The following FCHO2 variants were observed in gnomAD, a reference collection of about 807,000 sequenced individuals.
FCHO2 encodes FCH and mu domain containing endocytic adaptor 2, also known as F-BAR domain only protein 2.
Under a neutral mutation model 114.1 loss-of-function variants are expected in FCHO2, and 43 were observed. The ratio of observed to expected loss-of-function variants is 0.38; its 90% confidence interval spans 0.30 to 0.49. The LOEUF (loss-of-function observed/expected upper bound fraction) is 0.49, where lower values mean the gene tolerates loss of function less well. Ranked by LOEUF, FCHO2 falls within the 20% of genes least tolerant of loss-of-function variation. The probability of loss-of-function intolerance (pLI) is 0.97; values close to 1 mark genes in which losing one functional copy is unlikely to be tolerated. For synonymous variants in FCHO2, 293 were observed against 315.2 expected (o/e 0.93, Z 0.75); for missense variants, 807 against 950.4 (o/e 0.85, Z 1.98).
At chr5:72,975,310 T>C (rs1752797653) in intron 2 of FCHO2, among the ~76,000 whole-genome samples, 1 of 152,154 alleles carries the variant, frequency 6.6e-6, no homozygotes. Flanking sequence ...ACGTAAACTT[T>C]GTATACATTA....
chr5:72,997,275 G>A, intron 5 of FCHO2: 1 of 1,321,692 alleles, frequency 7.6e-7, no homozygotes, highest in South Asian at 1.2e-5. Flanking sequence ...GAAGTCGTGA[G>A]CGAGTGGTGG....
At chr5:72,984,356 G>A (rs1353700760) in intron 2 of FCHO2, among the ~76,000 whole-genome samples, 1 of 152,104 alleles carries the variant, frequency 6.6e-6, no homozygotes, top group Admixed American at 6.6e-5. Flanking sequence ...TTCTCTAAGT[G>A]TACTTGTTAG....
At chr5:73,070,155 T>A (rs1742564829) in intron 19 of FCHO2, among the ~76,000 whole-genome samples, 5 of 152,082 alleles carry the variant, frequency 3.3e-5, no homozygotes, top group Admixed American at 3.3e-4. Flanking sequence ...TCCAGGTGAT[T>A]CTGATGCATG....
intron 1 of FCHO2, among the ~76,000 whole-genome samples, chr5:72,966,542 A>C (rs1435146969): frequency 6.6e-6 from 1 of 152,260 alleles, no homozygotes; most frequent in Admixed American, 6.5e-5. Context: ...TATTCTTCTT[A>C]ATAAATGGAA....
At chr5:72,979,479 C>T (rs1447390598) in intron 2 of FCHO2, among the ~76,000 whole-genome samples, 3 of 145,386 alleles carry the variant, frequency 2.1e-5, no homozygotes, top group Non-Finnish European at 4.5e-5. Context: ...GCAAGCTCCG[C>T]CTCCCGGGTT....
intron 6 of FCHO2, among the ~76,000 whole-genome samples, chr5:73,012,121 CT>C (rs1755049235): frequency 6.6e-6 from 1 of 152,108 alleles, no homozygotes; most frequent in South Asian, 2.1e-4. Flanking sequence ...CTATGCGGTA[CT>C]TTTATGTGAC....
chr5:73,043,525 A>G (rs926104187), intron 11 of FCHO2, among the ~76,000 whole-genome samples: 2 of 152,014 alleles, frequency 1.3e-5, no homozygotes, highest in Admixed American at 6.6e-5. Flanking sequence ...ATTCATGCAT[A>G]TATAGAAAGT....
At chr5:73,071,697 C>G (rs549825650) in intron 19 of FCHO2, among the ~76,000 whole-genome samples, 3 of 151,872 alleles carry the variant, frequency 2.0e-5, no homozygotes, top group South Asian at 2.1e-4. Flanking sequence ...TACATATTTC[C>G]TATTCATTTT....
intron 5 of FCHO2, among the ~76,000 whole-genome samples, chr5:73,003,358 G>C (rs111864948): frequency 0.015 from 2,313 of 151,850 alleles, 50 homozygotes; most frequent in South Asian, 0.054. Flanking sequence ...TAAAATTTTT[G>C]TAGAGACAGG....
At chr5:73,004,371 A>C (rs900675037) in intron 5 of FCHO2, among the ~76,000 whole-genome samples, 3 of 152,090 alleles carry the variant, frequency 2.0e-5, no homozygotes, top group African/African-American at 7.2e-5. Context: ...GAACTGGGAG[A>C]AGAGTAAAAC....
chr5:73,036,188 T>C (rs577609573), intron 9 of FCHO2, among the ~76,000 whole-genome samples: 2 of 152,208 alleles, frequency 1.3e-5, no homozygotes, highest in South Asian at 4.1e-4. Context: ...ATGACTGGCC[T>C]TTAAAAATAA....
rs951499863 is a variant in FCHO2 at position 73,017,192 on chromosome 5, T to C, written c.700-20T>C. 7 of 1,365,598 alleles carry C rather than the reference T, an allele frequency of 5.1e-6. No homozygotes were observed. In the African/African-American group the frequency reaches 7.4e-5, roughly 15 times the overall value. The allele number at this position is 1,365,598 out of a possible 1,614,324, so 84.6% of individuals were successfully genotyped here. ...AAGAATGTGGAAAAAGAAAAAGTTA[T>C]CTTTATTTCATTTTAATAGGTCCAT... On this transcript the variant is annotated intron_variant, in intron 7 of 25. Coordinates refer to ENST00000430046, the MANE Select transcript of FCHO2 (RefSeq NM_138782.3).
At chr5:73,070,329 A>G (rs1384695833) in intron 19 of FCHO2, among the ~76,000 whole-genome samples, 1 of 152,160 alleles carries the variant, frequency 6.6e-6, no homozygotes, top group Non-Finnish European at 1.5e-5. Flanking sequence ...ATGTCTAAAC[A>G]TGATGTCACC....
chr5:72,997,843 CTAACTT>C (rs1341443430), intron 5 of FCHO2, among the ~76,000 whole-genome samples: 1 of 152,198 alleles, frequency 6.6e-6, no homozygotes, highest in Non-Finnish European at 1.5e-5. Context: ...CAGCCTCACT[CTAACTT>C]CGTGTTCACA....
intron 7 of FCHO2, 148 bp from the exon 8 acceptor site, chr5:73,017,064 G>C (rs1034159751): frequency 3.9e-6 from 2 of 512,704 alleles, no homozygotes; most frequent in African/African-American, 4.0e-5. Flanking sequence ...AGTAATGCTG[G>C]AAGTTAGGTA....
At chr5:73,007,994 G>A (rs1754810823) in intron 6 of FCHO2, among the ~76,000 whole-genome samples, 2 of 152,048 alleles carry the variant, frequency 1.3e-5, no homozygotes, top group Admixed American at 6.6e-5. Context: ...AAGGCCCAGA[G>A]GGTATAAAAG....
rs1412233039 is a variant in FCHO2, at chr5:73,087,727, C to T, written c.2384C>T (p.Ser795Phe). ...CTTGTGGGCACTGGCTATAGGCTTTCCTTAATAAAGAAGCGGTTTGCTACT... is the reference window on the plus strand; with the variant it reads ...CTTGTGGGCACTGGCTATAGGCTTTTCTTAATAAAGAAGCGGTTTGCTACT... ...FELVGTGYRL[S>F]LIKKRFATGR... is the part of the protein sequence containing the mutation. The change falls in exon 25 of 26, where the codon TCC becomes TTC. Residue 795 changes from serine (S) to phenylalanine (F), a missense_variant. Ser to Phe is a radical substitution (Grantham distance 155). Coordinates refer to ENST00000430046, the MANE Select transcript of FCHO2 (RefSeq NM_138782.3). 6.3e-7 allele frequency: 1 copy of T among 1,587,130 alleles called. No individual in the cohort carries two copies. The highest frequency in any genetic ancestry group is 1.4e-5 in the African/African-American group (1 of 73,296).
Position 73,088,246 on chromosome 5 carries a change from T to A in FCHO2, c.*156T>A. ...CATTAAATCGCACTTTTAAAGTGAG[T>A]CATTGAAATAAATAGTACTGAAATG... On this transcript the variant is annotated 3_prime_UTR_variant, in exon 26 of 26. Transcript: ENST00000430046. 1.1e-6 allele frequency: 1 copy of A among 872,644 alleles called. No individual in the cohort carries two copies. Among genetic ancestry groups the A allele is most frequent in the Non-Finnish European group, 1.8e-6 (1 of 554,450 alleles). 54.1% of individuals were successfully genotyped at this position (872,644 alleles called of 1,614,324 possible).
At chr5:73,047,548 T>C (rs1029667810) in intron 11 of FCHO2, among the ~76,000 whole-genome samples, 2 of 151,068 alleles carry the variant, frequency 1.3e-5, no homozygotes, top group African/African-American at 4.8e-5. Flanking sequence ...TATTAGTTCA[T>C]AGAAACTTTT....
Sources: gnomAD v4.1 joint callset for allele counts (sites outside exome capture counted in the v4.1 genomes callset) on GRCh38, gnomAD v4.1.1 for gene constraint, MANE v1.5 for transcripts, NCBI Gene and HGNC (gene_info 2026-07-23, HGNC 2026-07-21) for gene names.